RANBP2: variants seen among roughly 807,000 people sequenced by gnomAD.
RANBP2 encodes E3 SUMO-protein ligase RanBP2.
A neutral mutation model predicts 303.6 loss-of-function variants in RANBP2; 57 were observed. That is an observed-to-expected ratio of 0.19 (90% CI 0.15 to 0.23). RANBP2 has a LOEUF of 0.23. Ranked by LOEUF, RANBP2 falls within the 10% of genes least tolerant of loss-of-function variation. RANBP2 has a pLI of 1.00. For synonymous variants in RANBP2, 1,167 were observed against 1,301.5 expected, an observed-to-expected ratio of 0.90 and a Z score of 2.23; for missense variants, 3,138 against 3,780.8, an observed-to-expected ratio of 0.83 and a Z score of 4.46.
the RANBP2 span, among the ~76,000 whole-genome samples, chr2:109,481,798 C>T: frequency 6.6e-6 from 1 of 152,192 alleles, no homozygotes; most frequent in Non-Finnish European, 1.5e-5. Flanking sequence ...CAACTGCTAC[C>T]ATGAGAATCC....
chr2:108,854,184 C>A, the RANBP2 span, among the ~76,000 whole-genome samples: 3 of 146,786 alleles, frequency 2.0e-5, no homozygotes, highest in Non-Finnish European at 4.4e-5. Context: ...TGGCACTTGG[C>A]TCTCAAAGCA....
the RANBP2 span, among the ~76,000 whole-genome samples, chr2:108,822,608 T>C: frequency 1.3e-5 from 2 of 152,216 alleles, no homozygotes; most frequent in African/African-American, 4.8e-5. Flanking sequence ...ACAAAATTTC[T>C]GATCACAATG....
chr2:108,765,638 C>G lies in RANBP2; in HGVS notation c.5099C>G (p.Ala1700Gly), dbSNP rs112643545. 2.3e-6 allele frequency: 3 copies of G among 1,306,834 alleles called. No individual in the cohort carries two copies. The highest frequency in any genetic ancestry group is 3.3e-6 in the Non-Finnish European group (3 of 915,362). The allele number at this position is 1,306,834 out of a possible 1,614,324, so 81.0% of individuals were successfully genotyped here. A position where few individuals can be genotyped will look rare whatever the true frequency, so the allele number is the denominator to read the frequency against. Reference sequence around the variant, plus strand: ...GGTAAACAAAATCAAACTACTTCTGCAGTTTCAACACCTGCCTCTTCAGAG... The same window carrying G: ...GGTAAACAAAATCAAACTACTTCTGGAGTTTCAACACCTGCCTCTTCAGAG... ...NPGKQNQTTS[A>G]VSTPASSETS... The change falls in exon 20 of 29, where the codon GCA becomes GGA. Residue 1700 changes from alanine to glycine, a missense_variant. By Grantham distance (60) the Ala-to-Gly change is moderately conservative (BLOSUM62 0). Around this residue, in one of 20 missense-constraint regions of RANBP2, gnomAD observed 51 missense variants for 112.1 expected, o/e 0.45. Transcript: ENST00000283195.
chr2:109,285,549 G>A, the RANBP2 span, among the ~76,000 whole-genome samples: 2 of 152,206 alleles, frequency 1.3e-5, no homozygotes, highest in African/African-American at 2.4e-5. Flanking sequence ...CCTGGCGGTG[G>A]GAGCCCAGAG....
the RANBP2 span, among the ~76,000 whole-genome samples, chr2:109,670,950 G>A: frequency 1.3e-5 from 2 of 152,212 alleles, no homozygotes; most frequent in Non-Finnish European, 2.9e-5. Flanking sequence ...GCACTATGGT[G>A]TCTCCAATCC....
the RANBP2 span, among the ~76,000 whole-genome samples, chr2:109,587,468 GA>G: frequency 1.3e-4 from 20 of 149,470 alleles, no homozygotes; most frequent in African/African-American, 2.5e-4. Context: ...AGGAGGGAGG[GA>G]AAAAAATATC....
At chr2:109,693,535 A>G in the RANBP2 span, among the ~76,000 whole-genome samples, 1 of 152,160 alleles carries the variant, frequency 6.6e-6, no homozygotes, top group Non-Finnish European at 1.5e-5. Flanking sequence ...AGTAAGTCTC[A>G]CAACATCTGA....
chr2:109,610,006 G>C, the RANBP2 span, among the ~76,000 whole-genome samples: 1 of 151,962 alleles, frequency 6.6e-6, no homozygotes, highest in Non-Finnish European at 1.5e-5. Flanking sequence ...GAGCATGGTG[G>C]AGATAATGGC....
At chr2:108,799,403 A>T in the RANBP2 span, among the ~76,000 whole-genome samples, 3 of 152,198 alleles carry the variant, frequency 2.0e-5, no homozygotes, top group African/African-American at 7.2e-5. Context: ...CATCAACAAG[A>T]TCAAGAGTAG....
At chr2:109,566,935 C>G in the RANBP2 span, among the ~76,000 whole-genome samples, 1 of 151,968 alleles carries the variant, frequency 6.6e-6, no homozygotes, top group Non-Finnish European at 1.5e-5. Context: ...TCTGAATATT[C>G]TAGTTGAGCA....
chr2:109,390,869 C>T, the RANBP2 span, among the ~76,000 whole-genome samples: 3 of 152,132 alleles, frequency 2.0e-5, no homozygotes, highest in South Asian at 2.1e-4. Flanking sequence ...TGGCAGAGGG[C>T]GGCCCCTGAA....
the RANBP2 span, among the ~76,000 whole-genome samples, chr2:109,473,112 T>C: frequency 6.6e-6 from 1 of 152,220 alleles, no homozygotes; most frequent in Non-Finnish European, 1.5e-5. Context: ...CAGCCTGGCA[T>C]TTAATCGCCC....
At chr2:109,127,427 G>T in the RANBP2 span, 1 of 152,254 alleles carries the variant, frequency 6.6e-6, no homozygotes. Flanking sequence ...AGCTTACAGA[G>T]AGCTTACATT....
the RANBP2 span, among the ~76,000 whole-genome samples, chr2:109,408,894 AC>A: frequency 6.6e-5 from 10 of 152,214 alleles, no homozygotes; most frequent in African/African-American, 2.2e-4. Flanking sequence ...ATCAGAGGCA[AC>A]AGGCGAGTGA....
At chr2:109,637,097 CAT>C in the RANBP2 span, among the ~76,000 whole-genome samples, 2 of 152,140 alleles carry the variant, frequency 1.3e-5, no homozygotes, top group African/African-American at 4.8e-5. Context: ...CAGCAACAAA[CAT>C]GTGAGCAATA....
the RANBP2 span, among the ~76,000 whole-genome samples, chr2:108,916,796 A>C: frequency 1.3e-5 from 2 of 152,098 alleles, no homozygotes; most frequent in African/African-American, 4.8e-5. Flanking sequence ...GAAAGCCAGC[A>C]CCCAATCAGC....
At chr2:109,187,410 G>A in the RANBP2 span, among the ~76,000 whole-genome samples, 1 of 151,680 alleles carries the variant, frequency 6.6e-6, no homozygotes, top group Non-Finnish European at 1.5e-5. Flanking sequence ...TGGTGCTTAA[G>A]GCCGCACACA....
At chr2:109,117,750 G>GGGAGCTGTAGACT in the RANBP2 span, among the ~76,000 whole-genome samples, 1 of 152,342 alleles carries the variant, frequency 6.6e-6, no homozygotes, top group African/African-American at 2.4e-5. Context: ...AGCTGTAGAC[G>GGGAGCTGTAGACT]GGAGCTGTTC....
At chr2:109,248,691 TTTCTTTCCTTTCC>T in the RANBP2 span, among the ~76,000 whole-genome samples, 2 of 152,050 alleles carry the variant, frequency 1.3e-5, no homozygotes, top group Admixed American at 6.6e-5. Flanking sequence ...AAGTACTGCA[TTTCTTTCCTTTCC>T]TTCTTTCCTT....
Sources: allele counts gnomAD v4.1 joint callset (sites outside exome capture counted in the v4.1 genomes callset), GRCh38; gene constraint gnomAD v4.1.1; regional missense constraint gnomAD v4.1.1; transcripts MANE v1.5; gene names NCBI Gene and HGNC (gene_info 2026-07-23, HGNC 2026-07-21).